The following IL27 variants were observed in gnomAD, a reference collection of about 807,000 sequenced individuals.
IL27 encodes the protein interleukin-27 subunit alpha.
IL27 carries 11 observed loss-of-function variants against 27.0 expected under a neutral mutation model. The ratio of observed to expected loss-of-function variants is 0.41; its 90% CI spans 0.26 to 0.67. The LOEUF (loss-of-function observed/expected upper bound fraction) is 0.67, where lower values mean the gene tolerates loss of function less well. Ranked by LOEUF, IL27 falls within the 30% of genes least tolerant of loss-of-function variation. IL27 has a pLI of 0.34. For synonymous variants in IL27, 134 were observed against 140.6 expected (o/e 0.95, Z 0.33); for missense variants, 299 against 310.4 (o/e 0.96, Z 0.28).
At chr16:28,504,154 T>G in intron 1 of IL27, 104 bp from the exon 2 acceptor site, 2 of 1,193,390 alleles carry the variant, frequency 1.7e-6, no homozygotes, top group Non-Finnish European at 2.3e-6. Context: ...TGCAGGCACT[T>G]TGACCAGCAT....
Position 28,501,597 on chromosome 16 carries a change from ACAGT to A in IL27, c.462+375_462+378del, listed in dbSNP as rs373792864. 8.9e-5 allele frequency among the ~76,000 whole-genome samples: 13 copies of A among 145,856 alleles called. No individual in the cohort carries two copies. In the East Asian group the frequency reaches 1.0e-3, roughly 11 times the overall value. On this transcript the variant is annotated intron_variant, in intron 4 of 4. Transcript: ENST00000356897. ...CTCACAGTCACACCCACACACTCTC[ACAGT>A]CAGGTACACTCACACAGACCCACAC... is the stretch of plus-strand genomic sequence containing the variant.
At chr16:28,505,324 G>A (rs1381536036) in intron 1 of IL27, among the ~76,000 whole-genome samples, 1 of 148,780 alleles carries the variant, frequency 6.7e-6, no homozygotes, top group Admixed American at 6.8e-5. Context: ...TGCCTGGGGC[G>A]AATCCACAGT....
At chr16:28,500,166 G>A (rs1452186119) in intron 4 of IL27, among the ~76,000 whole-genome samples, 2 of 152,214 alleles carry the variant, frequency 1.3e-5, no homozygotes, top group Non-Finnish European at 2.9e-5. Flanking sequence ...CCCAAGGACT[G>A]CCCCGAGGCG....
intron 4 of IL27, among the ~76,000 whole-genome samples, chr16:28,501,621 C>T (rs1293778880): frequency 6.7e-6 from 1 of 148,714 alleles, no homozygotes; most frequent in Non-Finnish European, 1.5e-5. Flanking sequence ...TCACACAGAC[C>T]CACACACTCA....
intron 3 of IL27, among the ~76,000 whole-genome samples, chr16:28,502,863 C>T (rs1244462626): frequency 6.6e-6 from 1 of 152,156 alleles, no homozygotes; most frequent in Non-Finnish European, 1.5e-5. Context: ...CGCTCTGTTG[C>T]CCAGGCTGGA....
Position 28,501,985 on chromosome 16 carries a change from G to A in IL27, c.453C>T (p.Leu151=). 2 of 1,605,352 alleles carry A rather than the reference G, an allele frequency of 1.2e-6. No homozygotes were observed. The highest frequency in any genetic ancestry group is 1.7e-6 in the Non-Finnish European group (2 of 1,177,570). The part of the protein sequence containing the change: ...RLDLRDLQRH[L]RFQVLAAGFN... ...GGTGGCCGGGCTCTACCTGGAAGCG[G>A]AGGTGCCGCTGCAGATCGCGGAGGT... The change falls in exon 4 of 5, where the codon CTC becomes CTT. Residue 151 remains leucine, a synonymous_variant. Coordinates refer to ENST00000356897, the MANE Select transcript of IL27 (RefSeq NM_145659.3).
intron 1 of IL27, among the ~76,000 whole-genome samples, chr16:28,506,068 G>C (rs1451869548): frequency 1.3e-5 from 2 of 152,128 alleles, no homozygotes; most frequent in Non-Finnish European, 2.9e-5. Context: ...TGGGGACAGG[G>C]TGGGTGCCCC....
Position 28,503,980 on chromosome 16 carries a change from C to T in IL27, c.102G>A (p.Gly34=), listed in dbSNP as rs2046448154. The change falls in exon 2 of 5, where the codon GGG becomes GGA. Residue 34 remains glycine (G), a synonymous_variant. Coordinates refer to ENST00000356897, the MANE Select transcript of IL27 (RefSeq NM_145659.3). ...GCTCCTGCAGGCTCAGCTGGGGCCTCCCTGGGGGCCTTGGGAATCCCCAGA... is the reference window on the plus strand; with the variant it reads ...GCTCCTGCAGGCTCAGCTGGGGCCTTCCTGGGGGCCTTGGGAATCCCCAGA... ...AGVWGFPRPP[G]RPQLSLQELR... 2 of 1,614,008 alleles carry T rather than the reference C, an allele frequency of 1.2e-6. No individual in the cohort carries two copies. The highest frequency in any genetic ancestry group is 8.5e-7 in the Non-Finnish European group (1 of 1,179,920).
In IL27 at chr16:28,500,000, G is replaced by A. The variant is rs553459546; in HGVS notation, c.463-80C>T. On this transcript the variant is annotated intron_variant, in intron 4 of 4. Transcript: ENST00000356897. ...TCCTCATTCCCTATTCATGCCCAGC[G>A]GTTCCCAATGACATCAGTGACCACA... 76 of 1,450,532 alleles carry A rather than the reference G, an allele frequency of 5.2e-5. No homozygotes were observed. The African/African-American group carries it at 6.1e-4, about 12-fold the overall frequency. 89.9% of individuals were successfully genotyped at this position (1,450,532 alleles called of 1,614,324 possible). A position where few individuals can be genotyped will look rare whatever the true frequency, so the allele number is the denominator to read the frequency against.
chr16:28,506,320 T>C (rs887030390), intron 1 of IL27, among the ~76,000 whole-genome samples: 1 of 152,136 alleles, frequency 6.6e-6, no homozygotes, highest in African/African-American at 2.4e-5. Context: ...CAGCCGCAGA[T>C]TGGACCTCTT....
chr16:28,500,004 C>T, intron 4 of IL27, 84 bp from the exon 5 acceptor site: 1 of 1,445,470 alleles, frequency 6.9e-7, no homozygotes, highest in South Asian at 1.4e-5. Flanking sequence ...CCCAGCGGTT[C>T]CCAATGACAT....
intron 1 of IL27, among the ~76,000 whole-genome samples, chr16:28,504,298 C>T (rs836335): frequency 6.6e-6 from 1 of 152,154 alleles, no homozygotes; most frequent in African/African-American, 2.4e-5. Flanking sequence ...GCCAACATGG[C>T]GAAACCCTGT....
At chr16:28,502,857 C>T (rs2046440386) in intron 3 of IL27, among the ~76,000 whole-genome samples, 1 of 152,206 alleles carries the variant, frequency 6.6e-6, no homozygotes, top group Non-Finnish European at 1.5e-5. Context: ...GAGTCTCGCT[C>T]TGTTGCCCAG....
chr16:28,502,760 C>T (rs2046439913), intron 3 of IL27, among the ~76,000 whole-genome samples: 1 of 152,118 alleles, frequency 6.6e-6, no homozygotes, highest in East Asian at 1.9e-4. Context: ...ATGCCTGCCG[C>T]GTTCCATGCC....
At position 28,502,049 on chromosome 16, in the gene IL27, G is replaced by A; in HGVS notation, c.389C>T (p.Thr130Ile). ...CCACAGCTGCATCCTCTCCATGTTG[G>A]TCCAGCGGCCCTGGGTCCCCAGCCC... is the stretch of plus-strand genomic sequence containing the variant. ...LGGLGTQGRW[T>I]NMERMQLWAM... Residue 130 changes from threonine to isoleucine, a missense_variant, in exon 4 of 5, where the codon ACC becomes ATC. Physicochemically the swap from Thr to Ile is moderately conservative, Grantham distance 89. Coordinates refer to ENST00000356897, the MANE Select transcript of IL27 (RefSeq NM_145659.3). The A allele has an allele frequency of 1.2e-6, 2 of 1,613,540 alleles. No individual in the cohort carries two copies. Among genetic ancestry groups the A allele is most frequent in the Non-Finnish European group, 1.7e-6 (2 of 1,179,950 alleles).
Position 28,499,474 on chromosome 16 carries a change from A to G in IL27, c.*177T>C. On this transcript the variant is annotated 3_prime_UTR_variant, in exon 5 of 5. Transcript: ENST00000356897. The stretch of plus-strand genomic sequence containing the variant: ...CTCCCTAAACAATAAATAAATATCC[A>G]AGAAATAAATAGCTGGCGAGGACCA... 1 of 577,372 alleles carries G rather than the reference A, an allele frequency of 1.7e-6. No homozygotes were observed. 35.8% of individuals were successfully genotyped at this position (577,372 alleles called of 1,614,324 possible).
At chr16:28,503,562 A>T in intron 3 of IL27, 133 bp downstream of exon 3, 1 of 665,252 alleles carries the variant, frequency 1.5e-6, no homozygotes, top group Non-Finnish European at 2.6e-6. Context: ...TTTCATCTCT[A>T]TGTCCAATGA....
At chr16:28,504,304 C>G (rs1332307440) in intron 1 of IL27, among the ~76,000 whole-genome samples, 1 of 152,108 alleles carries the variant, frequency 6.6e-6, no homozygotes, top group Non-Finnish European at 1.5e-5. Flanking sequence ...ATGGCGAAAC[C>G]CTGTCTCTAC....
At position 28,504,029 on chromosome 16, in the gene IL27, G is replaced by A. The variant is rs1246707653; in HGVS notation, c.53C>T (p.Pro18Leu). 1 of 1,609,332 alleles carries A rather than the reference G, an allele frequency of 6.2e-7. No individual in the cohort carries two copies. The highest frequency in any genetic ancestry group is 2.2e-5 in the East Asian group (1 of 44,824). Residue 18 changes from proline (P) to leucine (L), a missense_variant, in exon 2 of 5, where the codon CCC (proline) becomes CTC (leucine). Pro to Leu is a moderately conservative substitution (Grantham distance 98, BLOSUM62 -3). Transcript: ENST00000356897. ...LGWRLSLLLL[P>L]LLLVQAGVWG... ...GACACCAGCTTGAACCAGGAGCAAGGGAAGCAGCAACAGGCTGAGCCCTGG... is the reference window on the plus strand; with the variant it reads ...GACACCAGCTTGAACCAGGAGCAAGAGAAGCAGCAACAGGCTGAGCCCTGG...
Sources: gnomAD v4.1 joint callset for allele counts (sites outside exome capture counted in the v4.1 genomes callset) on GRCh38, gnomAD v4.1.1 for gene constraint, MANE v1.5 for transcripts, NCBI Gene and HGNC (gene_info 2026-07-23, HGNC 2026-07-21) for gene names.